The following KDM4B variants were observed in gnomAD, a reference collection of about 807,000 sequenced individuals.
The protein encoded by KDM4B is lysine-specific demethylase 4B.
KDM4B carries 32 observed loss-of-function variants against 125.2 expected under a neutral mutation model. The ratio of observed to expected loss-of-function variants is 0.26; its 90% CI spans 0.19 to 0.34. KDM4B has a LOEUF of 0.34. Among genes scored for constraint, KDM4B ranks in the 10% least tolerant of loss-of-function variants. The probability of loss-of-function intolerance (pLI) is 1.00; values close to 1 mark genes in which losing one functional copy is unlikely to be tolerated. For synonymous variants in KDM4B, 721 were observed against 677.9 expected, an observed-to-expected ratio of 1.06 and a Z score of -0.99; for missense variants, 1,190 against 1,577.7, an observed-to-expected ratio of 0.75 and a Z score of 4.16.
chr19:5,051,947 TG>T (rs1292613216), intron 6 of KDM4B, among the ~76,000 whole-genome samples: 1 of 152,150 alleles, frequency 6.6e-6, no homozygotes, highest in Admixed American at 6.5e-5. Context: ...GGTGCAGGTG[TG>T]GGAGGTGGGG....
chr19:5,033,743 G>A lies in KDM4B; in HGVS notation c.141+712G>A, dbSNP rs569858667. Among the ~76,000 whole-genome samples, 9 of 152,138 alleles carry A rather than the reference G, an allele frequency of 5.9e-5. No homozygotes were observed. The South Asian group carries it at 1.9e-3, about 32-fold the overall frequency. ...TCTCCCTGGAAGCAGCACTGTTATT[G>A]GTTCTTCTCTCTCTCTCTCTCGGCA... On this transcript the variant is annotated intron_variant, in intron 3 of 22. Coordinates refer to ENST00000159111, the MANE Select transcript of KDM4B (RefSeq NM_015015.3).
Position 4,971,057 on chromosome 19 carries a change from C to T in KDM4B, c.-109+1827C>T, listed in dbSNP as rs956235173. 3.3e-5 allele frequency among the ~76,000 whole-genome samples: 5 copies of T among 152,254 alleles called. No homozygotes were observed. The highest frequency in any genetic ancestry group is 6.8e-3 in the Middle Eastern group (2 of 294). On this transcript the variant is annotated intron_variant, in intron 1 of 22. Transcript: ENST00000159111. The surrounding 1 kb of genome is among the most constrained non-coding windows in gnomAD (Gnocchi z 4.1). ...GTTTTGGTGGAAGCGTCTACTGTGTCAGGAGCTGCGGGTGCCTGCGTGTGC... is the reference window on the plus strand; with the variant it reads ...GTTTTGGTGGAAGCGTCTACTGTGTTAGGAGCTGCGGGTGCCTGCGTGTGC...
At chr19:4,995,951 T>C (rs1246217263) in intron 1 of KDM4B, among the ~76,000 whole-genome samples, 1 of 152,202 alleles carries the variant, frequency 6.6e-6, no homozygotes, top group African/African-American at 2.4e-5. Flanking sequence ...ATGTGTAATT[T>C]ACTTACCCAT....
chr19:5,061,557 G>A (rs541250946), intron 6 of KDM4B, among the ~76,000 whole-genome samples: 4 of 152,258 alleles, frequency 2.6e-5, no homozygotes, highest in Non-Finnish European at 5.9e-5. Flanking sequence ...GAGGCTCCAT[G>A]AAAGAAGATT....
At chr19:5,139,468 C>T (rs963716362) in intron 18 of KDM4B, among the ~76,000 whole-genome samples, 11 of 152,186 alleles carry the variant, frequency 7.2e-5, no homozygotes, top group South Asian at 2.1e-4. Flanking sequence ...CTTGCTGGAC[C>T]GTCGGGCAGC....
intron 1 of KDM4B, among the ~76,000 whole-genome samples, chr19:4,991,554 A>G (rs978028285): frequency 1.3e-5 from 2 of 152,266 alleles, no homozygotes; most frequent in African/African-American, 4.8e-5. Context: ...AACATTTTAC[A>G]TAACTTTAGT....
In KDM4B at chr19:4,978,627, T is replaced by C. The variant is rs757710081; in HGVS notation, c.-109+9397T>C. Among the ~76,000 whole-genome samples, 37 of 151,384 alleles carry C rather than the reference T, an allele frequency of 2.4e-4. 1 individual carries two copies. Among genetic ancestry groups the C allele is most frequent in the Non-Finnish European group, 4.1e-4 (28 of 67,918 alleles). On this transcript the variant is annotated intron_variant, in intron 1 of 22. Transcript: ENST00000159111. ...TTGGCCCCTCTAGCCACGGGTGTCC[T>C]GCGTACCCCAAAGGCAGAGCAGAGC...
intron 1 of KDM4B, among the ~76,000 whole-genome samples, chr19:5,009,597 T>C (rs767914686): frequency 2.6e-5 from 4 of 152,220 alleles, no homozygotes; most frequent in Non-Finnish European, 5.9e-5. Flanking sequence ...AATTTTAGAC[T>C]CACTGAACTG....
intron 1 of KDM4B, among the ~76,000 whole-genome samples, chr19:5,002,319 T>C (rs574247555): frequency 6.6e-6 from 1 of 152,096 alleles, no homozygotes; most frequent in Non-Finnish European, 1.5e-5. Flanking sequence ...CCTCGGTCTC[T>C]GGATTGCCTT....
chr19:4,987,268 G>A (rs1275186841), intron 1 of KDM4B, among the ~76,000 whole-genome samples: 1 of 152,252 alleles, frequency 6.6e-6, no homozygotes, highest in Non-Finnish European at 1.5e-5. Flanking sequence ...GGCAGTTAAA[G>A]GCAAGTTTTC....
chr19:5,031,753 C>T (rs532085211), intron 2 of KDM4B, among the ~76,000 whole-genome samples: 35 of 152,274 alleles, frequency 2.3e-4, no homozygotes, highest in African/African-American at 7.9e-4. Flanking sequence ...CCCTGCCGTC[C>T]TGCTCAGATT....
At chr19:5,056,996 G>A (rs1040693776) in intron 6 of KDM4B, among the ~76,000 whole-genome samples, 1 of 151,046 alleles carries the variant, frequency 6.6e-6, no homozygotes, top group African/African-American at 2.4e-5. Context: ...GTACAGAAAC[G>A]GACATAAAGC....
chr19:5,131,004 A>C, intron 11 of KDM4B, 72 bp from the exon 12 acceptor site: 3 of 1,159,640 alleles, frequency 2.6e-6, no homozygotes, highest in Non-Finnish European at 3.6e-6. Context: ...AAGTTGGGGG[A>C]TTTCTGGGGA....
intron 10 of KDM4B, among the ~76,000 whole-genome samples, chr19:5,117,524 C>T (rs1032540149): frequency 6.6e-6 from 1 of 152,146 alleles, no homozygotes; most frequent in African/African-American, 2.4e-5. Flanking sequence ...ACAGTGGTGA[C>T]AAGAGCCAGT....
At chr19:5,075,078 T>G (rs538793505) in intron 7 of KDM4B, 6 of 152,474 alleles carry the variant, frequency 3.9e-5, no homozygotes, top group African/African-American at 1.2e-4. Context: ...CTCCGCAGTC[T>G]GTGCTGGAGC....
Position 5,005,741 on chromosome 19 carries a change from C to G in KDM4B, c.-108-10516C>G, listed in dbSNP as rs58933988. ...CACCCAGGACGTCCCTCTAAGATCG[C>G]TCTTAGAGGCTACAGGGCCACGGGG... is the stretch of plus-strand genomic sequence containing the variant. On this transcript the variant is annotated intron_variant, in intron 1 of 22. Transcript: ENST00000159111. Among the ~76,000 whole-genome samples, 1,294 of 152,296 alleles carry G rather than the reference C, an allele frequency of 8.5e-3. 19 individuals are homozygous for G. The highest frequency in any genetic ancestry group is 0.029 in the African/African-American group (1,216 of 41,564).
chr19:4,982,933 G>T (rs1599351644), intron 1 of KDM4B, among the ~76,000 whole-genome samples: 1 of 152,036 alleles, frequency 6.6e-6, no homozygotes, highest in East Asian at 1.9e-4. Context: ...ATGTTTTAAG[G>T]CAGCGCTGTC....
At chr19:5,051,695 A>G (rs2037229552) in intron 6 of KDM4B, among the ~76,000 whole-genome samples, 2 of 152,216 alleles carry the variant, frequency 1.3e-5, no homozygotes, top group South Asian at 4.1e-4. Flanking sequence ...GGGTCTCTGC[A>G]GCTCCGCTTG....
intron 9 of KDM4B, among the ~76,000 whole-genome samples, chr19:5,092,761 GGGGCTCGCAGGGCC>G (rs879909491): frequency 6.6e-6 from 1 of 152,184 alleles, no homozygotes; most frequent in Non-Finnish European, 1.5e-5. Flanking sequence ...GTCAGAGGAG[GGGGCTCGCAGGGCC>G]TGGCCCTGAG....
Sources: gnomAD v4.1 joint callset for allele counts (sites outside exome capture counted in the v4.1 genomes callset) on GRCh38, gnomAD v4.1.1 for gene constraint, Gnocchi (gnomAD v3.1) non-coding constraint, MANE v1.5 for transcripts, NCBI Gene and HGNC (gene_info 2026-07-23, HGNC 2026-07-21) for gene names.